Variants in ERAP2 observed in about 807,000 individuals in gnomAD.
The protein encoded by ERAP2 is endoplasmic reticulum aminopeptidase 2, also known as leukocyte-derived arginine aminopeptidase.
A neutral mutation model predicts 111.1 loss-of-function variants in ERAP2; 118 were observed. The ratio of observed to expected loss-of-function variants is 1.06; its 90% confidence interval spans 0.92 to 1.24. The LOEUF (loss-of-function observed/expected upper bound fraction) is 1.24. ERAP2 is among the 50% of genes most tolerant of loss of function. The pLI is 0.00. For missense variants in ERAP2, 1,131 were observed against 1,125.8 expected, an observed-to-expected ratio of 1.00 and a Z score of -0.07; for synonymous variants, 410 against 401.2, an observed-to-expected ratio of 1.02 and a Z score of -0.26.
At chr5:96,888,933 T>C (rs1351452445) in intron 4 of ERAP2, among the ~76,000 whole-genome samples, 1 of 152,216 alleles carries the variant, frequency 6.6e-6, no homozygotes, top group Non-Finnish European at 1.5e-5. Context: ...TGGGTTAACA[T>C]GATTTGAAAG....
At position 96,917,478 on chromosome 5, in the gene ERAP2, A is replaced by C. The variant is rs1270446652; in HGVS notation, c.2756A>C (p.Glu919Ala). The change falls in exon 19 of 19, where the codon GAA becomes GCA. Residue 919 changes from glutamate to alanine, a missense_variant. Around this residue, in one of 3 missense-constraint regions of ERAP2, gnomAD observed 279 missense variants for 250.9 expected, o/e 1.11. Coordinates refer to ENST00000437043, the MANE Select transcript of ERAP2 (RefSeq NM_022350.5). The part of the protein sequence containing the change: ...DKLQEVKLFF[E>A]SLEAQGSHLD... ...ATTTTACAGGTGAAACTATTTTTTG[A>C]ATCTCTTGAGGCTCAAGGATCACAT... is the stretch of plus-strand genomic sequence containing the variant. The C allele has an allele frequency of 1.2e-6, 2 of 1,602,470 alleles. No individual in the cohort carries two copies. The highest frequency in any genetic ancestry group is 1.7e-5 in the Admixed American group (1 of 58,106).
intron 1 of ERAP2, among the ~76,000 whole-genome samples, chr5:96,877,487 A>G (rs1443501907): frequency 6.6e-6 from 1 of 152,212 alleles, no homozygotes; most frequent in African/African-American, 2.4e-5. Context: ...TTCATATCCA[A>G]CACTAATTAC....
Position 96,892,386 on chromosome 5 carries a change from C to G in ERAP2, c.1058C>G (p.Pro353Arg), listed in dbSNP as rs753379375. ...TYRETSLLFD[P>R]KTSSASDKLW... Reference sequence around the variant, plus strand: ...AGGGAGACGTCACTGCTTTTTGACCCCAAGACCTCTTCTGCTTCCGATAAA... The same window carrying G: ...AGGGAGACGTCACTGCTTTTTGACCGCAAGACCTCTTCTGCTTCCGATAAA... The change falls in exon 6 of 19, where the codon CCC (proline) becomes CGC (arginine). Residue 353 changes from proline (P) to arginine (R), a missense_variant. By Grantham distance (103) the Pro-to-Arg change is moderately radical. Transcript: ENST00000437043. The G allele has an allele frequency of 6.2e-7, 1 of 1,614,038 alleles. No homozygotes were observed. Among genetic ancestry groups the G allele is most frequent in the Admixed American group, 1.7e-5 (1 of 60,004 alleles).
chr5:96,901,889 C>A (rs1561386218), intron 11 of ERAP2, among the ~76,000 whole-genome samples: 1 of 152,160 alleles, frequency 6.6e-6, no homozygotes, highest in Non-Finnish European at 1.5e-5. Context: ...ATTCCATCAG[C>A]CTTGAGAACT....
chr5:96,917,382 A>C, intron 18 of ERAP2, 80 bp from the exon 19 acceptor site: 1 of 1,417,698 alleles, frequency 7.1e-7, no homozygotes, highest in Non-Finnish European at 9.6e-7. Context: ...TGGCCTCCCG[A>C]AGTGCTGGGA....
At chr5:96,884,257 T>C (rs1183570664) in intron 3 of ERAP2, among the ~76,000 whole-genome samples, 1 of 152,200 alleles carries the variant, frequency 6.6e-6, no homozygotes, top group Non-Finnish European at 1.5e-5. Context: ...GAGCAGTACT[T>C]CTCAAACTTT....
intron 2 of ERAP2, 29 bp downstream of exon 2, chr5:96,880,289 C>A (rs142952967): frequency 7.7e-6 from 12 of 1,561,494 alleles, no homozygotes; most frequent in East Asian, 2.3e-5. Context: ...AATTTACATT[C>A]TTTTGTGATA....
intron 15 of ERAP2, among the ~76,000 whole-genome samples, chr5:96,911,866 CAAA>C (rs386358295): frequency 5.3e-5 from 3 of 56,656 alleles, no homozygotes; most frequent in African/African-American, 1.3e-4. Flanking sequence ...GACCCTGTCT[CAAA>C]AAAAAAAAAA....
Position 96,896,487 on chromosome 5 carries a change from G to A in ERAP2, c.1354G>A (p.Glu452Lys). ...GACTCAAATACAGGAAATGTTTGAT[G>A]AAGTTTCCTATAACAAGGTAGTAAA... ...TPTQIQEMFD[E>K]VSYNKGACIL... The change falls in exon 8 of 19, where the codon GAA becomes AAA. Residue 452 changes from glutamate (E) to lysine (K), a missense_variant. Around this residue, in one of 3 missense-constraint regions of ERAP2, gnomAD observed 847 missense variants for 856.5 expected, o/e 0.99. Coordinates refer to ENST00000437043, the MANE Select transcript of ERAP2 (RefSeq NM_022350.5). 8 of 1,613,374 alleles carry A rather than the reference G, an allele frequency of 5.0e-6. No homozygotes were observed. Among genetic ancestry groups the A allele is most frequent in the Non-Finnish European group, 6.8e-6 (8 of 1,179,598 alleles).
intron 2 of ERAP2, chr5:96,881,472 A>T (rs1783123291): frequency 2.2e-6 from 1 of 456,124 alleles, no homozygotes; most frequent in African/African-American, 2.0e-5. Flanking sequence ...GCCAGGATCC[A>T]TCTGGGAGGT....
In ERAP2 at chr5:96,900,022, T is replaced by C. The variant is rs112336590; in HGVS notation, c.1504-99T>C. ...TATCATGTCTGGATGAATTATTTCA[T>C]ATAGCTCTTTTAATAAATGCCTGCA... On this transcript the variant is annotated intron_variant, in intron 9 of 18. Transcript: ENST00000437043. 22 of 1,365,028 alleles carry C rather than the reference T, an allele frequency of 1.6e-5. No homozygotes were observed. The African/African-American group carries it at 1.7e-4, about 11-fold the overall frequency. 84.6% of individuals were successfully genotyped at this position (1,365,028 alleles called of 1,614,324 possible). A position where few individuals can be genotyped will look rare whatever the true frequency, so the allele number is the denominator to read the frequency against.
At position 96,902,312 on chromosome 5, in the gene ERAP2, C is replaced by A. The variant is rs1179487942; in HGVS notation, c.1787C>A (p.Ser596Tyr). 3 of 1,612,494 alleles carry A rather than the reference C, an allele frequency of 1.9e-6. No individual in the cohort carries two copies. The highest frequency in any genetic ancestry group is 2.5e-6 in the Non-Finnish European group (3 of 1,178,700). Residue 596 changes from serine (S) to tyrosine (Y), a missense_variant, in exon 12 of 19, where the codon TCT (serine) becomes TAT (tyrosine). By Grantham distance (144) the Ser-to-Tyr change is moderately radical. Coordinates refer to ENST00000437043, the MANE Select transcript of ERAP2 (RefSeq NM_022350.5). ...WHIPLTYSTS[S>Y]SNVIHRHILK... ...ATCCCATTGACCTACTCCACGAGTT[C>A]TTCTAATGTGATCCACAGACACATT...
intron 1 of ERAP2, among the ~76,000 whole-genome samples, chr5:96,877,725 C>T (rs1454002402): frequency 8.2e-6 from 1 of 121,688 alleles, no homozygotes; most frequent in Non-Finnish European, 1.7e-5. Context: ...CATAATAAGC[C>T]ACTCCATTTT....
At chr5:96,899,521 T>A (rs926927463) in intron 9 of ERAP2, among the ~76,000 whole-genome samples, 2 of 152,226 alleles carry the variant, frequency 1.3e-5, no homozygotes, top group African/African-American at 4.8e-5. Context: ...CATTCTTCAT[T>A]TTTTCTCATT....
At chr5:96,916,456 C>CTTTTTT (rs745860227) in intron 18 of ERAP2, among the ~76,000 whole-genome samples, 8 of 97,632 alleles carry the variant, frequency 8.2e-5, no homozygotes, top group East Asian at 2.8e-4. Flanking sequence ...TTCTAGTTAT[C>CTTTTTT]TTTTTTTTTT....
chr5:96,909,241 T>A (rs1786441933), intron 14 of ERAP2, 124 bp downstream of exon 14: 2 of 842,970 alleles, frequency 2.4e-6, no homozygotes, highest in Non-Finnish European at 3.8e-6. Flanking sequence ...GACTGACTGA[T>A]AGCATGTAAT....
rs776167404 is a variant in ERAP2 at position 96,889,212 on chromosome 5, C to T, written c.877C>T (p.Arg293Trp). 4.5e-5 allele frequency: 72 copies of T among 1,614,114 alleles called. No individual in the cohort carries two copies. In the Middle Eastern group the frequency reaches 2.6e-3, roughly 59 times the overall value. The stretch of plus-strand genomic sequence containing the variant: ...GTCCATCTATGCATCCCCAGACAAA[C>T]GGAATCAAACACATTATGCTTTGCA... The part of the protein sequence containing the change: ...KVSIYASPDK[R>W]NQTHYALQAS... The change falls in exon 5 of 19, where the codon CGG becomes TGG. Residue 293 changes from arginine to tryptophan, a missense_variant. By Grantham distance (101) the Arg-to-Trp change is moderately radical. Coordinates refer to ENST00000437043, the MANE Select transcript of ERAP2 (RefSeq NM_022350.5).
rs1283151259 is a variant in ERAP2, at chr5:96,896,824, A to C, written c.1464A>C (p.Arg488Ser). Reference protein sequence around the residue: ...IIQYLKKFSYRNAKNDDLWSS... With the variant: ...IIQYLKKFSYSNAKNDDLWSS... ...AGTACTTAAAGAAGTTCAGCTATAG[A>C]AATGCTAAGAATGATGACTTGTGGA... Residue 488 changes from arginine to serine, a missense_variant, in exon 9 of 19, where the codon AGA becomes AGC. By Grantham distance (110) the Arg-to-Ser change is moderately radical. Around this residue, in one of 3 missense-constraint regions of ERAP2, gnomAD observed 847 missense variants for 856.5 expected, o/e 0.99. Transcript: ENST00000437043. The C allele has an allele frequency of 7.8e-7, 1 of 1,288,642 alleles. No individual in the cohort carries two copies. Among genetic ancestry groups the C allele is most frequent in the South Asian group, 1.4e-5 (1 of 70,032 alleles). 79.8% of individuals were successfully genotyped at this position (1,288,642 alleles called of 1,614,324 possible).
chr5:96,904,069 T>C (rs1226223076), intron 13 of ERAP2, among the ~76,000 whole-genome samples: 3 of 152,248 alleles, frequency 2.0e-5, no homozygotes, highest in African/African-American at 7.2e-5. Context: ...AAATATAGTC[T>C]TAACTTTTAT....
Sources: allele counts gnomAD v4.1 joint callset (sites outside exome capture counted in the v4.1 genomes callset), GRCh38; gene constraint gnomAD v4.1.1; regional missense constraint gnomAD v4.1.1; transcripts MANE v1.5; gene names NCBI Gene and HGNC (gene_info 2026-07-23, HGNC 2026-07-21).